STXBP4: variants seen among roughly 807,000 people sequenced by gnomAD.
The protein encoded by STXBP4 is syntaxin binding protein 4.
Under a neutral mutation model 76.1 loss-of-function variants are expected in STXBP4, and 55 were observed. The ratio of observed to expected loss-of-function variants is 0.72; its 90% CI spans 0.58 to 0.91. The LOEUF (loss-of-function observed/expected upper bound fraction) is 0.91, where lower values mean the gene tolerates loss of function less well. Ranked by LOEUF, STXBP4 falls within the 40% of genes least tolerant of loss-of-function variation. The pLI, the probability that STXBP4 is intolerant of heterozygous loss-of-function variation, is 0.00. For missense variants in STXBP4, 618 were observed against 636.9 expected (o/e 0.97, Z 0.32); for synonymous variants, 201 against 220.2 (o/e 0.91, Z 0.77).
chr17:55,071,666 C>T (rs1157627155), intron 12 of STXBP4, among the ~76,000 whole-genome samples: 1 of 152,154 alleles, frequency 6.6e-6, no homozygotes, highest in Non-Finnish European at 1.5e-5. Flanking sequence ...GTACCTGAAA[C>T]AGAACCTGAC....
At chr17:55,083,646 A>T (rs2079286662) in intron 16 of STXBP4, among the ~76,000 whole-genome samples, 1 of 152,112 alleles carries the variant, frequency 6.6e-6, no homozygotes, top group African/African-American at 2.4e-5. Context: ...GCAATATCTG[A>T]TGACTCTACT....
At chr17:55,148,859 A>G (rs1485873968) in intron 17 of STXBP4, among the ~76,000 whole-genome samples, 1 of 152,184 alleles carries the variant, frequency 6.6e-6, no homozygotes, top group Non-Finnish European at 1.5e-5. Context: ...GACACTGTCT[A>G]ACACCCTCCT....
At chr17:55,032,830 A>G (rs2078533083) in intron 9 of STXBP4, among the ~76,000 whole-genome samples, 1 of 152,152 alleles carries the variant, frequency 6.6e-6, no homozygotes, top group Non-Finnish European at 1.5e-5. Context: ...TTCTCTCTGA[A>G]GAAGCTGAAC....
intron 17 of STXBP4, among the ~76,000 whole-genome samples, chr17:55,146,731 A>G (rs2080159859): frequency 6.6e-6 from 1 of 152,014 alleles, no homozygotes; most frequent in South Asian, 2.1e-4. Flanking sequence ...AAAAAGAAAA[A>G]AAAAAAAGAG....
chr17:55,092,130 T>TGACACAATGGACTCTGGGGACTTAGTAG (rs2079422683), intron 16 of STXBP4, among the ~76,000 whole-genome samples: 2 of 152,106 alleles, frequency 1.3e-5, no homozygotes, highest in African/African-American at 4.8e-5. Context: ...AGACTAAGAA[T>TGACACAATGGACTCTGGGGACTTAGTAG]GACACAATGG....
At chr17:54,980,500 G>A (rs2077535256) in intron 1 of STXBP4, among the ~76,000 whole-genome samples, 1 of 152,214 alleles carries the variant, frequency 6.6e-6, no homozygotes, top group Non-Finnish European at 1.5e-5. Flanking sequence ...TCTCCACAGA[G>A]TGGAAGCAGG....
intron 8 of STXBP4, 31 bp downstream of exon 8, chr17:55,007,628 A>T (rs576345849): frequency 6.5e-7 from 1 of 1,534,904 alleles, no homozygotes; most frequent in Admixed American, 1.8e-5. Context: ...TTTTTCTTCC[A>T]TAAGACAAAA....
Position 55,034,206 on chromosome 17 carries a change from T to C in STXBP4, c.802T>C (p.Leu268=). The C allele has an allele frequency of 6.2e-7, 1 of 1,612,552 alleles. No homozygotes were observed. The highest frequency in any genetic ancestry group is 8.5e-7 in the Non-Finnish European group (1 of 1,179,044). The change falls in exon 10 of 18, where the codon TTG becomes CTG. Residue 268 remains leucine (L), a synonymous_variant. Coordinates refer to ENST00000376352, the MANE Select transcript of STXBP4 (RefSeq NM_178509.6). ...QVARNLFCLQ[L]DEVNVGAHEI... Reference sequence around the variant, plus strand: ...TGCCAGAAACTTGTTTTGCTTGCAGTTGGATGAAGTAAATGTTGGTGCACA... The same window carrying C: ...TGCCAGAAACTTGTTTTGCTTGCAGCTGGATGAAGTAAATGTTGGTGCACA...
chr17:55,143,326 T>A (rs1308564791), intron 17 of STXBP4, among the ~76,000 whole-genome samples: 1 of 152,250 alleles, frequency 6.6e-6, no homozygotes, highest in Non-Finnish European at 1.5e-5. Flanking sequence ...ACTGGGGTTC[T>A]GCATTCAGGA....
At chr17:55,041,380 C>A (rs1275432554) in intron 10 of STXBP4, among the ~76,000 whole-genome samples, 1 of 151,926 alleles carries the variant, frequency 6.6e-6, no homozygotes, top group East Asian at 1.9e-4. Context: ...CCATGTCTGG[C>A]TAATTTTGTT....
intron 12 of STXBP4, among the ~76,000 whole-genome samples, chr17:55,053,911 T>C (rs1481105494): frequency 6.6e-6 from 1 of 152,134 alleles, no homozygotes; most frequent in African/African-American, 2.4e-5. Flanking sequence ...ATATAAACTT[T>C]AGAATATCAG....
intron 13 of STXBP4, among the ~76,000 whole-genome samples, chr17:55,076,297 T>C (rs1260071783): frequency 2.6e-5 from 4 of 152,200 alleles, no homozygotes; most frequent in Non-Finnish European, 5.9e-5. Context: ...TACCATTTTC[T>C]GTTAAGCATT....
chr17:55,199,261 CAGAA>C, the STXBP4 span, among the ~76,000 whole-genome samples: 6 of 152,224 alleles, frequency 3.9e-5, no homozygotes, highest in African/African-American at 1.4e-4. Context: ...AATTTTAAAA[CAGAA>C]AGCACAACAG....
At chr17:55,095,997 T>C (rs1488539459) in intron 16 of STXBP4, among the ~76,000 whole-genome samples, 1 of 152,170 alleles carries the variant, frequency 6.6e-6, no homozygotes, top group African/African-American at 2.4e-5. Flanking sequence ...TGATGGCACC[T>C]TAGATTTGGT....
intron 13 of STXBP4, among the ~76,000 whole-genome samples, chr17:55,077,686 CGTGTGTGTGTGTGTGTGTGT>C (rs10690646): frequency 7.5e-6 from 1 of 134,002 alleles, no homozygotes; most frequent in African/African-American, 2.8e-5. Flanking sequence ...TGTCTTACAT[CGTGTGTGTGTGTGTGTGTGT>C]GTGTGTGTGT....
intron 7 of STXBP4, among the ~76,000 whole-genome samples, chr17:55,002,080 A>C (rs1191440730): frequency 1.3e-5 from 2 of 152,186 alleles, no homozygotes; most frequent in African/African-American, 4.8e-5. Flanking sequence ...CCAACTTTAT[A>C]GCATTATTCC....
At chr17:54,988,368 G>A (rs539962229) in intron 3 of STXBP4, among the ~76,000 whole-genome samples, 2 of 152,204 alleles carry the variant, frequency 1.3e-5, no homozygotes, top group Non-Finnish European at 2.9e-5. Context: ...CATTTGGAGG[G>A]TTTAAGAGTT....
In STXBP4 at chr17:55,073,044, G is replaced by C. The variant is rs767763765; in HGVS notation, c.1156G>C (p.Ala386Pro). 6 of 1,613,770 alleles carry C rather than the reference G, an allele frequency of 3.7e-6. No homozygotes were observed. Among genetic ancestry groups the C allele is most frequent in the South Asian group, 1.1e-5 (1 of 91,004 alleles). ...AGAGGCCAAGATTACAGAGCTAAAG[G>C]CTCAGCTTGCTGATTATTCTGACCA... is the stretch of plus-strand genomic sequence containing the variant. ...LLEAKITELK[A>P]QLADYSDQNK... Residue 386 changes from alanine to proline, a missense_variant, in exon 13 of 18, where the codon GCT becomes CCT. Coordinates refer to ENST00000376352, the MANE Select transcript of STXBP4 (RefSeq NM_178509.6).
At chr17:55,194,000 G>A in the STXBP4 span, among the ~76,000 whole-genome samples, 1 of 152,058 alleles carries the variant, frequency 6.6e-6, no homozygotes, top group Admixed American at 6.6e-5. Context: ...GGAAAAGAAG[G>A]CTTTCTGCAA....
Sources: gnomAD v4.1 joint callset for allele counts (sites outside exome capture counted in the v4.1 genomes callset) on GRCh38, gnomAD v4.1.1 for gene constraint, MANE v1.5 for transcripts, NCBI Gene and HGNC (gene_info 2026-07-23, HGNC 2026-07-21) for gene names.